The following MTR variants were observed in gnomAD, a reference collection of about 807,000 sequenced individuals.
MTR encodes the protein 5-methyltetrahydrofolate-homocysteine methyltransferase.
In MTR, 84 loss-of-function variants were observed where a neutral mutation model predicts 154.8. That is an observed-to-expected ratio of 0.54 (90% CI 0.45 to 0.65). The LOEUF (loss-of-function observed/expected upper bound fraction) is 0.65. Ranked by LOEUF, MTR falls within the 30% of genes least tolerant of loss-of-function variation. The pLI is 0.00. For synonymous variants in MTR, 554 were observed against 553.9 expected (o/e 1.00, Z 0.00); for missense variants, 1,275 against 1,570.2 (o/e 0.81, Z 3.18).
At chr1:236,843,537 A>T (rs1057430200) in intron 15 of MTR, among the ~76,000 whole-genome samples, 5 of 152,214 alleles carry the variant, frequency 3.3e-5, no homozygotes, top group African/African-American at 9.6e-5. Flanking sequence ...GATCTGACTT[A>T]TGTTTAAACC....
chr1:236,834,646 A>T (rs556003244), intron 13 of MTR, among the ~76,000 whole-genome samples: 16 of 152,334 alleles, frequency 1.1e-4, no homozygotes, highest in African/African-American at 3.6e-4. Flanking sequence ...AATCAAGACA[A>T]TATCAGCATC....
rs770004849 is a variant in MTR at position 236,835,683 on chromosome 1, C to A, written c.1325C>A (p.Ala442Glu). Reference protein sequence around the residue: ...CNLIASEPDIAKVPLCIDSSN... With the variant: ...CNLIASEPDIEKVPLCIDSSN... Reference sequence around the variant, plus strand: ...TTAATTGCTTCCGAGCCAGACATCGCAAAGGTTATACAAAGTTTATGTTTA... The same window carrying A: ...TTAATTGCTTCCGAGCCAGACATCGAAAAGGTTATACAAAGTTTATGTTTA... The change falls in exon 14 of 33, where the codon GCA becomes GAA. Residue 442 changes from alanine (A) to glutamate (E), a missense_variant. Coordinates refer to ENST00000366577, the MANE Select transcript of MTR (RefSeq NM_000254.3). The A allele has an allele frequency of 1.2e-6, 2 of 1,612,884 alleles. No individual in the cohort carries two copies.
chr1:236,871,870 G>A (rs1192607016), intron 22 of MTR, among the ~76,000 whole-genome samples: 1 of 151,842 alleles, frequency 6.6e-6, no homozygotes, highest in East Asian at 1.9e-4. Context: ...AGTAATATGA[G>A]TACAAGCTAA....
chr1:236,824,367 G>GT (rs1279080932), intron 9 of MTR, 148 bp downstream of exon 9: 2 of 769,370 alleles, frequency 2.6e-6, no homozygotes, highest in Non-Finnish European at 4.5e-6. Flanking sequence ...TGGGTGCAGT[G>GT]TTTCCCTGTA....
Position 236,819,704 on chromosome 1 carries a change from C to T in MTR, c.764+3161C>T, listed in dbSNP as rs559700889. ...TCCTTAAGTTCCTTACAGCAGGAAC[C>T]CATTTAGGTGGCACCAAACTTGACT... On this transcript the variant is annotated intron_variant, in intron 8 of 32. Transcript: ENST00000366577. 1,488 of 703,146 alleles carry T rather than the reference C, an allele frequency of 2.1e-3. 2 individuals carry two copies. The highest frequency in any genetic ancestry group is 3.0e-3 in the Non-Finnish European group (1,134 of 379,604). The allele number at this position is 703,146 out of a possible 1,614,324, so 43.6% of individuals were successfully genotyped here.
intron 2 of MTR, among the ~76,000 whole-genome samples, chr1:236,805,382 C>T (rs574540669): frequency 9.2e-5 from 14 of 152,138 alleles, no homozygotes; most frequent in Middle Eastern, 3.4e-3. Flanking sequence ...GTATACTTCT[C>T]GGTGGGCATC....
At position 236,829,287 on chromosome 1, in the gene MTR, G is replaced by T; in HGVS notation, c.1075+19G>T. On this transcript the variant is annotated intron_variant, in intron 12 of 32. Coordinates refer to ENST00000366577, the MANE Select transcript of MTR (RefSeq NM_000254.3). Reference sequence around the variant, plus strand: ...CTGTCTGGTGAGTCATAAAGACCTGGTATTCCTGATTGCAGAAACCATTTG... The same window carrying T: ...CTGTCTGGTGAGTCATAAAGACCTGTTATTCCTGATTGCAGAAACCATTTG... 6.3e-7 allele frequency: 1 copy of T among 1,596,380 alleles called. No individual in the cohort carries two copies. The highest frequency in any genetic ancestry group is 1.3e-5 in the African/African-American group (1 of 74,594).
At position 236,853,078 on chromosome 1, in the gene MTR, G is replaced by T; in HGVS notation, c.1943G>T (p.Arg648Leu). ...CCTGAGGCCACTGAGAAGCTCTTAC[G>T]TTATGCCCAGGTAGAGAGACAAGTG... ...KDPEATEKLL[R>L]YAQTQGTGGK... Residue 648 changes from arginine to leucine, a missense_variant, in exon 18 of 33, where the codon CGT (arginine) becomes CTT (leucine). By Grantham distance (102) the Arg-to-Leu change is moderately radical. Coordinates refer to ENST00000366577, the MANE Select transcript of MTR (RefSeq NM_000254.3). The T allele has an allele frequency of 1.9e-6, 3 of 1,613,956 alleles. No homozygotes were observed. Among genetic ancestry groups the T allele is most frequent in the Non-Finnish European group, 2.5e-6 (3 of 1,179,910 alleles).
intron 22 of MTR, among the ~76,000 whole-genome samples, chr1:236,866,405 A>G (rs1005255440): frequency 1.3e-5 from 2 of 152,146 alleles, no homozygotes; most frequent in Non-Finnish European, 2.9e-5. Context: ...TGACTGTTCC[A>G]CTAACCAGCC....
intron 16 of MTR, among the ~76,000 whole-genome samples, chr1:236,851,863 C>A (rs1663923833): frequency 6.6e-6 from 1 of 152,162 alleles, no homozygotes. Context: ...AACTATACCA[C>A]AATTAACTGT....
At chr1:236,897,310 G>GCACGCACACACACACA (rs1373475510) in intron 32 of MTR, among the ~76,000 whole-genome samples, 192 bp downstream of exon 32, 17 of 128,680 alleles carry the variant, frequency 1.3e-4, no homozygotes, top group Admixed American at 6.8e-4. Context: ...CCACACACAC[G>GCACGCACACACACACA]CACACACACA....
chr1:236,852,925 A>C (rs199957549), intron 17 of MTR, 23 bp from the exon 18 acceptor site: 5 of 1,613,544 alleles, frequency 3.1e-6, no homozygotes, highest in Admixed American at 1.7e-5. Context: ...GTAAATTCTC[A>C]TTTTTATTTG....
intron 14 of MTR, among the ~76,000 whole-genome samples, chr1:236,837,328 C>A (rs948463445): frequency 6.6e-6 from 1 of 152,138 alleles, no homozygotes; most frequent in African/African-American, 2.4e-5. Flanking sequence ...ACTCATTCTT[C>A]AGTCCTCAGT....
rs759907601 is a variant in MTR at position 236,874,764 on chromosome 1, G to A, written c.2512G>A (p.Asp838Asn). The change falls in exon 24 of 33, where the codon GAT becomes AAT. Residue 838 changes from aspartate to asparagine, a missense_variant. Transcript: ENST00000366577. ...GLSGLITPSLDEMIFVAKEME... is the reference protein window; with the variant it reads ...GLSGLITPSLNEMIFVAKEME... ...GTCAGGACTCATCACTCCTTCCCTG[G>A]ATGAAATGATTTTTGTTGCCAAGGA... is the stretch of plus-strand genomic sequence containing the variant. 4.3e-6 allele frequency: 7 copies of A among 1,611,972 alleles called. No individual in the cohort carries two copies. The African/African-American group carries it at 6.7e-5, about 15-fold the overall frequency.
chr1:236,852,882 A>G, intron 17 of MTR, 66 bp from the exon 18 acceptor site: 1 of 1,579,744 alleles, frequency 6.3e-7, no homozygotes, highest in East Asian at 2.2e-5. Context: ...TTTACAGAGA[A>G]AAGTTTGCTG....
chr1:236,818,613 T>C (rs956667577), intron 8 of MTR, among the ~76,000 whole-genome samples: 2 of 152,242 alleles, frequency 1.3e-5, no homozygotes, highest in Non-Finnish European at 2.9e-5. Flanking sequence ...ATTTGCTCTC[T>C]ATTTCGTTAC....
chr1:236,878,618 C>CA (rs1038205002), intron 24 of MTR, among the ~76,000 whole-genome samples: 3 of 151,144 alleles, frequency 2.0e-5, no homozygotes, highest in Admixed American at 6.6e-5. Flanking sequence ...TGAACTGAAA[C>CA]AAAAAAAATC....
chr1:236,862,119 G>T, intron 20 of MTR, 117 bp from the exon 21 acceptor site: 1 of 827,566 alleles, frequency 1.2e-6, no homozygotes, highest in South Asian at 1.3e-5. Flanking sequence ...AGACTCCAGT[G>T]TAGCTGTCCT....
chr1:236,897,308 A>ATGCGCGCGCGCGCGCGCGCGCGCGCG (rs57608445), intron 32 of MTR, among the ~76,000 whole-genome samples, 190 bp downstream of exon 32: 9 of 131,452 alleles, frequency 6.8e-5, no homozygotes, highest in South Asian at 2.6e-4. Context: ...AGCCACACAC[A>ATGCGCGCGCGCGCGCGCGCGCGCGCG]CGCACACACA....
Sources: allele counts gnomAD v4.1 joint callset (sites outside exome capture counted in the v4.1 genomes callset), GRCh38; gene constraint gnomAD v4.1.1; transcripts MANE v1.5; gene names NCBI Gene and HGNC (gene_info 2026-07-23, HGNC 2026-07-21).